EIF2B3: variants seen among roughly 807,000 people sequenced by gnomAD.
EIF2B3 encodes the protein eukaryotic translation initiation factor 2B subunit gamma.
In EIF2B3, 20 loss-of-function variants were observed where a neutral mutation model predicts 54.1. That is an observed-to-expected ratio of 0.37 (90% confidence interval 0.26 to 0.54). The LOEUF (loss-of-function observed/expected upper bound fraction) is 0.54. Among genes scored for constraint, EIF2B3 ranks in the 20% least tolerant of loss-of-function variants. The pLI is 0.86. For synonymous variants in EIF2B3, 153 were observed against 188.1 expected (o/e 0.81, Z 1.52); for missense variants, 448 against 547.8 (o/e 0.82, Z 1.82).
At chr1:44,982,469 T>G (rs1220504107) in intron 1 of EIF2B3, among the ~76,000 whole-genome samples, 1 of 151,962 alleles carries the variant, frequency 6.6e-6, no homozygotes, top group Admixed American at 6.6e-5. Context: ...TGGCTAATTT[T>G]GTATTTTTAG....
chr1:44,973,511 A>T (rs1031571056), intron 3 of EIF2B3, among the ~76,000 whole-genome samples: 4 of 152,192 alleles, frequency 2.6e-5, no homozygotes, highest in African/African-American at 9.7e-5. Flanking sequence ...TAGCCTGGCC[A>T]ACATGGCGAA....
intron 3 of EIF2B3, chr1:44,959,068 CA>C: frequency 1.3e-6 from 1 of 767,812 alleles, no homozygotes; most frequent in South Asian, 1.4e-5. Flanking sequence ...TCTTCAGCAT[CA>C]AAAGCTCCAA....
intron 3 of EIF2B3, among the ~76,000 whole-genome samples, chr1:44,945,259 A>C (rs1483424944): frequency 6.6e-6 from 1 of 152,036 alleles, no homozygotes; most frequent in Non-Finnish European, 1.5e-5. Flanking sequence ...GAGACTAAAA[A>C]AAAAAAAAGT....
intron 3 of EIF2B3, chr1:44,959,104 C>T (rs1006102811): frequency 9.2e-6 from 7 of 761,880 alleles, no homozygotes; most frequent in Middle Eastern, 2.5e-4. Flanking sequence ...CCTTAGGCTA[C>T]GTAACATCCC....
chr1:44,877,160 C>A (rs1254066060), intron 8 of EIF2B3, among the ~76,000 whole-genome samples: 1 of 139,992 alleles, frequency 7.1e-6, no homozygotes, highest in African/African-American at 2.9e-5. Context: ...CTGCCAAATC[C>A]CCCTCTGCGA....
intron 3 of EIF2B3, among the ~76,000 whole-genome samples, chr1:44,976,934 T>C (rs1222514243): frequency 6.6e-6 from 1 of 152,204 alleles, no homozygotes; most frequent in Non-Finnish European, 1.5e-5. Flanking sequence ...GGTGATGGAA[T>C]TGTTCTAGAT....
chr1:44,964,856 C>T (rs1346832338), intron 3 of EIF2B3, among the ~76,000 whole-genome samples: 1 of 152,184 alleles, frequency 6.6e-6, no homozygotes, highest in African/African-American at 2.4e-5. Context: ...ACATAGGCTA[C>T]AGAACTCTAT....
At chr1:44,981,616 A>G (rs1202227655) in intron 1 of EIF2B3, among the ~76,000 whole-genome samples, 1 of 152,182 alleles carries the variant, frequency 6.6e-6, no homozygotes, top group Non-Finnish European at 1.5e-5. Flanking sequence ...TACCAAGTGG[A>G]CTTCTGATGT....
intron 10 of EIF2B3, among the ~76,000 whole-genome samples, chr1:44,860,063 G>A (rs1028014263): frequency 7.9e-5 from 12 of 151,728 alleles, no homozygotes; most frequent in South Asian, 2.1e-4. Flanking sequence ...GTGCGGTGGC[G>A]TGATCTGCCT....
At chr1:44,942,407 A>AT (rs1644039725) in intron 3 of EIF2B3, among the ~76,000 whole-genome samples, 2 of 17,620 alleles carry the variant, frequency 1.1e-4, no homozygotes, top group African/African-American at 4.4e-4. Context: ...ATATATATAT[A>AT]TATATATATA....
At chr1:44,959,265 C>T in intron 3 of EIF2B3, 2 of 671,230 alleles carry the variant, frequency 3.0e-6, no homozygotes, top group South Asian at 1.5e-5. Context: ...CAGTTCAGAC[C>T]TTTTTTTTTG....
At chr1:44,944,076 G>A (rs923219062) in intron 3 of EIF2B3, among the ~76,000 whole-genome samples, 4 of 151,816 alleles carry the variant, frequency 2.6e-5, no homozygotes, top group Admixed American at 1.3e-4. Flanking sequence ...CCCAGGAGGT[G>A]GAAATTGCAG....
chr1:44,982,321 T>C (rs1360738491), intron 1 of EIF2B3, among the ~76,000 whole-genome samples: 1 of 152,196 alleles, frequency 6.6e-6, no homozygotes, highest in Admixed American at 6.5e-5. Context: ...TTTTTGGAGA[T>C]GGAATTTCAC....
intron 3 of EIF2B3, among the ~76,000 whole-genome samples, chr1:44,970,961 A>G (rs1402190599): frequency 6.6e-6 from 1 of 152,172 alleles, no homozygotes; most frequent in Non-Finnish European, 1.5e-5. Flanking sequence ...AGGTAGGATT[A>G]TATGTAAGAG....
Position 44,937,883 on chromosome 1 carries a change from CAAAAAAAAAAAAAAAAAAAAAA to C in EIF2B3, c.454+3601_454+3622del, listed in dbSNP as rs34363661. On this transcript the variant is annotated intron_variant, in intron 4 of 11. Coordinates refer to ENST00000360403, the MANE Select transcript of EIF2B3 (RefSeq NM_020365.5). Reference sequence around the variant, plus strand: ...TGGGCGACAGAGCGAGACTCCGTCTCAAAAAAAAAAAAAAAAAAAAAAAAAAAAAAAAAAAAAAGACCTGCAG... The same window carrying C: ...TGGGCGACAGAGCGAGACTCCGTCTCAAAAAAAAAAAAAAAAGACCTGCAG... Among the ~76,000 whole-genome samples the C allele has an allele frequency of 2.1e-4, 7 of 33,558 alleles. 1 individual carries two copies. The highest frequency in any genetic ancestry group is 5.3e-4 in the Admixed American group (1 of 1,882). 22.0% of individuals were successfully genotyped at this position (33,558 alleles called of 152,430 possible). A position where few individuals can be genotyped will look rare whatever the true frequency, so the allele number is the denominator to read the frequency against.
chr1:44,904,070 C>T (rs115212403), intron 5 of EIF2B3, among the ~76,000 whole-genome samples: 2,269 of 152,168 alleles, frequency 0.015, 64 homozygotes, highest in African/African-American at 0.052. Context: ...GGGCAGACTC[C>T]ATCTCAAAAA....
intron 6 of EIF2B3, among the ~76,000 whole-genome samples, chr1:44,887,374 A>T (rs1210169933): frequency 6.6e-6 from 1 of 152,248 alleles, no homozygotes; most frequent in Non-Finnish European, 1.5e-5. Context: ...TAGGTAGGAA[A>T]AATCATTGGC....
At chr1:44,930,971 G>A (rs1643891855) in intron 4 of EIF2B3, among the ~76,000 whole-genome samples, 1 of 152,166 alleles carries the variant, frequency 6.6e-6, no homozygotes, top group Non-Finnish European at 1.5e-5. Flanking sequence ...AGTTACAGGA[G>A]ACTAAGATAA....
At position 44,875,648 on chromosome 1, in the gene EIF2B3, A is replaced by G; in HGVS notation, c.1023T>C (p.His341=). 1 of 1,614,152 alleles carries G rather than the reference A, an allele frequency of 6.2e-7. No individual in the cohort carries two copies. Residue 341 remains histidine, a synonymous_variant, in exon 9 of 12, where the codon CAT becomes CAC. Transcript: ENST00000360403. Reference sequence around the variant, plus strand: ...GTTTGCTGACAATCTGGGCTGACGAATGGACTGGTGGTTCTTCTGGACAGA... The same window carrying G: ...GTTTGCTGACAATCTGGGCTGACGAGTGGACTGGTGGTTCTTCTGGACAGA... ...SALCPEEPPV[H]SSAQIVSKHL... is the part of the protein sequence containing the mutation.
Sources: allele counts gnomAD v4.1 joint callset (sites outside exome capture counted in the v4.1 genomes callset), GRCh38; gene constraint gnomAD v4.1.1; transcripts MANE v1.5; gene names NCBI Gene and HGNC (gene_info 2026-07-23, HGNC 2026-07-21).